The following UROC1 variants were observed in gnomAD, a reference collection of about 807,000 sequenced individuals.
UROC1 encodes the protein urocanate hydratase 1, also known as urocanate hydratase.
UROC1 carries 79 observed loss-of-function variants against 89.5 expected under a neutral mutation model. The observed-to-expected ratio is 0.88, with a 90% CI of 0.74 to 1.06. UROC1 has a LOEUF of 1.06. Among genes scored for constraint, UROC1 ranks in the 50% least tolerant of loss-of-function variants. The pLI, the probability that UROC1 is intolerant of heterozygous loss-of-function variation, is 0.00. For missense variants in UROC1, 885 were observed against 907.8 expected, an observed-to-expected ratio of 0.97 and a Z score of 0.32; for synonymous variants, 361 against 354.8, an observed-to-expected ratio of 1.02 and a Z score of -0.20.
chr3:126,502,989 T>C (rs1935973694), intron 9 of UROC1, among the ~76,000 whole-genome samples: 1 of 151,950 alleles, frequency 6.6e-6, no homozygotes, highest in African/African-American at 2.4e-5. Flanking sequence ...TCTGTGTGGT[T>C]ATATGTGTGT....
intron 6 of UROC1, 79 bp from the exon 7 acceptor site, chr3:126,506,090 G>A (rs1936054203): frequency 6.6e-7 from 1 of 1,523,816 alleles, no homozygotes. Flanking sequence ...CTTTTAGGAG[G>A]TTGAAAATTA....
rs1156364496 is a variant in UROC1, at chr3:126,483,404, C to G, written c.1855G>C (p.Ala619Pro). 1.9e-6 allele frequency: 3 copies of G among 1,613,568 alleles called. No homozygotes were observed. Among genetic ancestry groups the G allele is most frequent in the African/African-American group, 2.7e-5 (2 of 74,952 alleles). The change falls in exon 19 of 20, where the codon GCC (alanine) becomes CCC (proline). Residue 619 changes from alanine to proline, a missense_variant. By Grantham distance (27) the Ala-to-Pro change is conservative. Coordinates refer to ENST00000290868, the MANE Select transcript of UROC1 (RefSeq NM_144639.3). ...ACATCCCAGCTGAGCATCAGCCTGGCTCTCCCCTCGGCCTCCGGGGTACCG... is the reference window on the plus strand; with the variant it reads ...ACATCCCAGCTGAGCATCAGCCTGGGTCTCCCCTCGGCCTCCGGGGTACCG... ...LDGTPEAEGR[A>P]RLMLSWDVSN...
intron 1 of UROC1, among the ~76,000 whole-genome samples, chr3:126,511,814 C>T (rs1406784916): frequency 5.3e-5 from 8 of 152,178 alleles, no homozygotes; most frequent in Non-Finnish European, 1.2e-4. Context: ...CACATTTTCC[C>T]CTTGTATAAA....
At chr3:126,492,998 T>C (rs767202303) in intron 15 of UROC1, among the ~76,000 whole-genome samples, 1 of 152,176 alleles carries the variant, frequency 6.6e-6, no homozygotes, top group Non-Finnish European at 1.5e-5. Flanking sequence ...TAAGCTCCAT[T>C]TTCCAGATGA....
At position 126,503,197 on chromosome 3, in the gene UROC1, G is replaced by C. The variant is rs531933066; in HGVS notation, c.902+798C>G. On this transcript the variant is annotated intron_variant, in intron 9 of 19. Transcript: ENST00000290868. ...GTTCTAAAGAGGGTGCAATGTGGTTGGATTGGTATGTTAGAATGATAGGTC... is the reference window on the plus strand; with the variant it reads ...GTTCTAAAGAGGGTGCAATGTGGTTCGATTGGTATGTTAGAATGATAGGTC... Among the ~76,000 whole-genome samples the C allele has an allele frequency of 3.9e-5, 6 of 152,282 alleles. No homozygotes were observed. In the South Asian group the frequency reaches 1.2e-3, roughly 32 times the overall value.
At chr3:126,502,866 TTG>T (rs1164528984) in intron 9 of UROC1, among the ~76,000 whole-genome samples, 1 of 151,518 alleles carries the variant, frequency 6.6e-6, no homozygotes, top group Non-Finnish European at 1.5e-5. Flanking sequence ...TGTTGTGTGT[TTG>T]TGTGTGCAAG....
At chr3:126,485,709 C>T (rs929087213) in intron 18 of UROC1, among the ~76,000 whole-genome samples, 4 of 150,400 alleles carry the variant, frequency 2.7e-5, no homozygotes, top group Admixed American at 6.6e-5. Flanking sequence ...GGACTATAGG[C>T]GTGCACCACT....
Position 126,508,106 on chromosome 3 carries a change from A to G in UROC1, c.412-11T>C, listed in dbSNP as rs116799168. The stretch of plus-strand genomic sequence containing the variant: ...CATGGTCAGCCAGAACTGGGGGAAG[A>G]GCAGAGCGTGGGGATTCTGTCAACA... On this transcript the variant is annotated splice_polypyrimidine_tract_variant and intron_variant, in intron 4 of 19. Coordinates refer to ENST00000290868, the MANE Select transcript of UROC1 (RefSeq NM_144639.3). The G allele has an allele frequency of 6.5e-4, 1,054 of 1,613,670 alleles. 7 individuals are homozygous for G. In the African/African-American group the frequency reaches 0.012, roughly 18 times the overall value.
chr3:126,483,393 C>A lies in UROC1; in HGVS notation c.1866G>T (p.Met622Ile). Residue 622 changes from methionine to isoleucine, a missense_variant, in exon 19 of 20, where the codon ATG becomes ATT. By Grantham distance (10) the Met-to-Ile change is conservative. Coordinates refer to ENST00000290868, the MANE Select transcript of UROC1 (RefSeq NM_144639.3). Reference protein sequence around the residue: ...TPEAEGRARLMLSWDVSNGVA... With the variant: ...TPEAEGRARLILSWDVSNGVA... Reference sequence around the variant, plus strand: ...CACCATTGGAGACATCCCAGCTGAGCATCAGCCTGGCTCTCCCCTCGGCCT... The same window carrying A: ...CACCATTGGAGACATCCCAGCTGAGAATCAGCCTGGCTCTCCCCTCGGCCT... The A allele has an allele frequency of 6.2e-7, 1 of 1,613,532 alleles. No individual in the cohort carries two copies. Among genetic ancestry groups the A allele is most frequent in the Non-Finnish European group, 8.5e-7 (1 of 1,180,022 alleles).
chr3:126,505,637 AAGGGAGGG>A (rs55684916), intron 8 of UROC1, 56 bp downstream of exon 8: 167 of 1,508,666 alleles, frequency 1.1e-4, no homozygotes, highest in African/African-American at 4.8e-4. Context: ...CGGGAGGAAG[AAGGGAGGG>A]AGGGAGGGAG....
At chr3:126,499,147 C>A (rs1407709791) in intron 13 of UROC1, among the ~76,000 whole-genome samples, 190 bp downstream of exon 13, 3 of 151,878 alleles carry the variant, frequency 2.0e-5, no homozygotes, top group Admixed American at 6.6e-5. Context: ...TTCCTCCTCA[C>A]CTGCCTGTCT....
intron 16 of UROC1, among the ~76,000 whole-genome samples, chr3:126,491,425 C>T (rs762406990): frequency 2.0e-5 from 3 of 152,254 alleles, no homozygotes; most frequent in Non-Finnish European, 2.9e-5. Context: ...CCCCTTTCTG[C>T]TGGCCAGCTG....
At position 126,513,701 on chromosome 3, in the gene UROC1, C is replaced by T. The variant is rs940590947; in HGVS notation, c.127-2907G>A. Among the ~76,000 whole-genome samples the T allele has an allele frequency of 9.8e-5, 15 of 152,330 alleles. No homozygotes were observed. In the East Asian group the frequency reaches 2.7e-3, roughly 27 times the overall value. On this transcript the variant is annotated intron_variant, in intron 1 of 19. Transcript: ENST00000290868. ...TGTCAAAACTGTCATCTCCCACACT[C>T]GTGGGCCTCCATGCTGCCCATTCTT...
chr3:126,510,282 G>T (rs572571811), intron 2 of UROC1, among the ~76,000 whole-genome samples: 6 of 152,206 alleles, frequency 3.9e-5, no homozygotes, highest in Non-Finnish European at 2.9e-5. Context: ...TATCGAGATC[G>T]TGAGGTATTT....
Position 126,482,485 on chromosome 3 carries a change from C to T in UROC1, c.1891G>A (p.Val631Met), listed in dbSNP as rs1411566085. 5 of 1,613,932 alleles carry T rather than the reference C, an allele frequency of 3.1e-6. No individual in the cohort carries two copies. In the South Asian group the frequency reaches 4.4e-5, roughly 14 times the overall value. The change falls in exon 20 of 20, where the codon GTG becomes ATG. Residue 631 changes from valine (V) to methionine (M), a missense_variant and splice_region_variant. Coordinates refer to ENST00000290868, the MANE Select transcript of UROC1 (RefSeq NM_144639.3). ...TTCCCTGACCAGCAGCGCCGGGCCA[C>T]CTAGGGCAAGGAGGGGGATAGCAGT... ...LMLSWDVSNG[V>M]ARRCWSGNQK...
At chr3:126,492,171 C>A (rs1935670417) in intron 16 of UROC1, among the ~76,000 whole-genome samples, 1 of 152,150 alleles carries the variant, frequency 6.6e-6, no homozygotes, top group African/African-American at 2.4e-5. Context: ...TCCCAGGGAC[C>A]AAAACCTTCA....
chr3:126,492,657 C>T (rs1935682552), intron 15 of UROC1, 141 bp from the exon 16 acceptor site: 1 of 716,522 alleles, frequency 1.4e-6, no homozygotes, highest in Non-Finnish European at 2.5e-6. Context: ...CCAGGAGGAC[C>T]CCCAGGGTGC....
chr3:126,485,429 T>TGTGG (rs1253810600), intron 18 of UROC1, among the ~76,000 whole-genome samples: 2 of 145,094 alleles, frequency 1.4e-5, no homozygotes, highest in African/African-American at 5.1e-5. Context: ...GCAGAAGGCG[T>TGTGG]GTGGGTGGGT....
intron 13 of UROC1, among the ~76,000 whole-genome samples, chr3:126,498,921 C>G (rs965902332): frequency 6.6e-6 from 1 of 152,160 alleles, no homozygotes; most frequent in Admixed American, 6.5e-5. Context: ...GGGCTGCTGG[C>G]CTTCCCTAGA....
Sources: gnomAD v4.1 joint callset for allele counts (sites outside exome capture counted in the v4.1 genomes callset) on GRCh38, gnomAD v4.1.1 for gene constraint, MANE v1.5 for transcripts, NCBI Gene and HGNC (gene_info 2026-07-23, HGNC 2026-07-21) for gene names.